Variants in COL5A1 observed in about 807,000 individuals in gnomAD.
COL5A1 encodes the protein collagen type V alpha 1 chain.
In COL5A1, 16 loss-of-function variants were observed where a neutral mutation model predicts 263.7. The observed-to-expected ratio is 0.06, with a 90% CI of 0.04 to 0.09. The LOEUF (loss-of-function observed/expected upper bound fraction) is 0.09, where lower values mean the gene tolerates loss of function less well. Among genes scored for constraint, COL5A1 ranks in the 10% least tolerant of loss-of-function variants. The pLI is 1.00. For synonymous variants in COL5A1, 1,012 were observed against 1,004.5 expected (o/e 1.01, Z -0.14); for missense variants, 2,036 against 2,540.5 (o/e 0.80, Z 4.27).
chr9:134,813,788 A>G (rs1414952997), intron 48 of COL5A1, among the ~76,000 whole-genome samples, 195 bp from the exon 49 acceptor site: 1 of 152,220 alleles, frequency 6.6e-6, no homozygotes, highest in Non-Finnish European at 1.5e-5. Context: ...CCCTGTATCC[A>G]TCACGTGCCT....
At chr9:134,713,105 A>T (rs1334873799) in intron 4 of COL5A1, among the ~76,000 whole-genome samples, 1 of 152,242 alleles carries the variant, frequency 6.6e-6, no homozygotes, top group African/African-American at 2.4e-5. Flanking sequence ...GGAGCTGAGA[A>T]GTGCAGGTTT....
chr9:134,797,486 C>CT (rs56030985), intron 36 of COL5A1, among the ~76,000 whole-genome samples: 77,785 of 151,898 alleles, frequency 0.51, 20,171 homozygotes, highest in East Asian at 0.77. Flanking sequence ...TAATCTCTTT[C>CT]TTTTTTTGTT....
intron 1 of COL5A1, among the ~76,000 whole-genome samples, chr9:134,648,289 TATATATATATATATA>T (rs1177917455): frequency 7.2e-6 from 1 of 138,678 alleles, no homozygotes; most frequent in Admixed American, 7.1e-5. Context: ...AATAAACTCC[TATATATATATATATA>T]ATATATATAT....
intron 10 of COL5A1, 94 bp downstream of exon 10, chr9:134,738,609 G>A: frequency 6.4e-7 from 1 of 1,566,414 alleles, no homozygotes; most frequent in Non-Finnish European, 8.8e-7. Context: ...GGAAAAGAGG[G>A]GGGCTCTCCG....
At chr9:134,803,036 T>G in intron 39 of COL5A1, 41 bp downstream of exon 39, 1 of 1,484,772 alleles carries the variant, frequency 6.7e-7, no homozygotes, top group Non-Finnish European at 9.2e-7. Context: ...AGGCGTTTCC[T>G]CAGGAATCAT....
chr9:134,724,855 G>A (rs1000693995), intron 4 of COL5A1, among the ~76,000 whole-genome samples: 2 of 152,052 alleles, frequency 1.3e-5, no homozygotes, highest in East Asian at 1.9e-4. Flanking sequence ...TGAAGGTTCC[G>A]ATGAACCAGG....
chr9:134,754,200 A>G lies in COL5A1; in HGVS notation c.1774-73A>G, dbSNP rs11103501. The G allele has an allele frequency of 0.22, 335,669 of 1,527,162 alleles. 38,601 individuals are homozygous for G. Among genetic ancestry groups the G allele is most frequent in the East Asian group, 0.35 (15,722 of 44,384 alleles). 94.6% of individuals were successfully genotyped at this position (1,527,162 alleles called of 1,614,324 possible). A position where few individuals can be genotyped will look rare whatever the true frequency, so the allele number is the denominator to read the frequency against. On this transcript the variant is annotated intron_variant, in intron 15 of 65. Transcript: ENST00000371817. The surrounding 1 kb of genome is among the most constrained non-coding windows in gnomAD (Gnocchi z 4.3). ...AGGCATGGGCAGGGTCGATGAGCAC[A>G]GGGACAAGGCTTTGCTCTTTCTCCT...
rs761587955 is a variant in COL5A1, at chr9:134,796,938, GTCCCCTCCAAAACCCACCTGT to G, written c.2898+38_2898+58del. 2.9e-5 allele frequency: 8 copies of G among 277,756 alleles called. No individual in the cohort carries two copies. The East Asian group carries it at 3.3e-3, about 116-fold the overall frequency. 17.2% of individuals were successfully genotyped at this position (277,756 alleles called of 1,614,324 possible). ...CTTCCTTGCTGGGCCAGCACTGCCT[GTCCCCTCCAAAACCCACCTGT>G]CCCCTCCAAAACCCGCCTGTTTTCT... On this transcript the variant is annotated intron_variant, in intron 36 of 65. Coordinates refer to ENST00000371817, the MANE Select transcript of COL5A1 (RefSeq NM_000093.5).
intron 51 of COL5A1, 103 bp downstream of exon 51, chr9:134,815,732 C>A: frequency 7.2e-7 from 1 of 1,387,200 alleles, no homozygotes; most frequent in Non-Finnish European, 1.0e-6. Context: ...GATGAACTCC[C>A]ACTGGGGCAG....
In COL5A1 at chr9:134,802,152, T is replaced by C. The variant is rs1588566196; in HGVS notation, c.3006+145T>C. 13 of 838,602 alleles carry C rather than the reference T, an allele frequency of 1.6e-5. No individual in the cohort carries two copies. In the East Asian group the frequency reaches 3.3e-4, roughly 21 times the overall value. 51.9% of individuals were successfully genotyped at this position (838,602 alleles called of 1,614,324 possible). A position where few individuals can be genotyped will look rare whatever the true frequency, so the allele number is the denominator to read the frequency against. On this transcript the variant is annotated intron_variant, in intron 38 of 65. Transcript: ENST00000371817. ...GGTTATCTTAGGTCCTGAATGTTGG[T>C]CAGCGTGAGGCTCGCCCCACGCAGG...
chr9:134,693,282 C>T (rs1257282109), intron 2 of COL5A1, among the ~76,000 whole-genome samples: 2 of 152,126 alleles, frequency 1.3e-5, no homozygotes, highest in Admixed American at 6.6e-5. Context: ...GAGATCGCGC[C>T]ATTGCACTCC....
At chr9:134,744,078 G>A (rs907732731) in intron 11 of COL5A1, among the ~76,000 whole-genome samples, 2 of 152,174 alleles carry the variant, frequency 1.3e-5, no homozygotes. Flanking sequence ...TCACGAGCAC[G>A]CAGCTGCTGT....
chr9:134,799,091 G>A (rs958580716), intron 37 of COL5A1, among the ~76,000 whole-genome samples: 2 of 152,156 alleles, frequency 1.3e-5, no homozygotes, highest in African/African-American at 2.4e-5. Flanking sequence ...TAGTCACTCC[G>A]CTGGGCACAT....
At chr9:134,664,788 A>C (rs1832307902) in intron 1 of COL5A1, among the ~76,000 whole-genome samples, 1 of 152,224 alleles carries the variant, frequency 6.6e-6, no homozygotes, top group Non-Finnish European at 1.5e-5. Context: ...TTGGCCGGGC[A>C]TGGTGGCTCA....
intron 51 of COL5A1, 54 bp from the exon 52 acceptor site, chr9:134,815,881 T>C (rs1838726208): frequency 5.6e-6 from 9 of 1,602,222 alleles, no homozygotes; most frequent in Non-Finnish European, 7.7e-6. Context: ...AACTGGTGCA[T>C]GAACTCAGGG....
At chr9:134,735,240 G>A (rs1001870993) in intron 9 of COL5A1, among the ~76,000 whole-genome samples, 1 of 151,988 alleles carries the variant, frequency 6.6e-6, no homozygotes, top group African/African-American at 2.4e-5. Flanking sequence ...GTGCATTGAA[G>A]GTGTGCAGCA....
At chr9:134,730,209 C>G in intron 6 of COL5A1, 27 bp from the exon 7 acceptor site, 1 of 1,611,610 alleles carries the variant, frequency 6.2e-7, no homozygotes, top group African/African-American at 1.3e-5. Flanking sequence ...CGCCCTGACT[C>G]CAGCTGTCTC....
At chr9:134,663,624 T>C (rs1832274066) in intron 1 of COL5A1, among the ~76,000 whole-genome samples, 1 of 152,226 alleles carries the variant, frequency 6.6e-6, no homozygotes. Context: ...TAAAAATGAC[T>C]GTAAACCCAG....
At chr9:134,643,984 G>C (rs116774922) in intron 1 of COL5A1, among the ~76,000 whole-genome samples, 1 of 152,114 alleles carries the variant, frequency 6.6e-6, no homozygotes, top group Non-Finnish European at 1.5e-5. Context: ...ATCGAAGTGC[G>C]GCTCGTTGGA....
Sources: gnomAD v4.1 joint callset for allele counts (sites outside exome capture counted in the v4.1 genomes callset) on GRCh38, gnomAD v4.1.1 for gene constraint, Gnocchi (gnomAD v3.1) non-coding constraint, MANE v1.5 for transcripts, NCBI Gene and HGNC (gene_info 2026-07-23, HGNC 2026-07-21) for gene names.